TNKS1BP1: variants seen among roughly 807,000 people sequenced by gnomAD.
TNKS1BP1 encodes the protein 182 kDa tankyrase-1-binding protein.
A neutral mutation model predicts 141.1 loss-of-function variants in TNKS1BP1; 48 were observed. The observed-to-expected ratio is 0.34, with a 90% CI of 0.27 to 0.43. The LOEUF is 0.43. TNKS1BP1 is among the 20% of genes least tolerant of loss of function. The pLI, the probability that TNKS1BP1 is intolerant of heterozygous loss-of-function variation, is 1.00. For missense variants in TNKS1BP1, 2,149 were observed against 2,226.0 expected (o/e 0.97, Z 0.70); for synonymous variants, 875 against 898.2 (o/e 0.97, Z 0.46).
In TNKS1BP1 at chr11:57,306,912, G is replaced by C. The variant is rs554443576; in HGVS notation, c.4316+1483C>G. Among the ~76,000 whole-genome samples the C allele has an allele frequency of 1.9e-3, 284 of 149,486 alleles. 18 individuals are homozygous for C. Among genetic ancestry groups the C allele is most frequent in the African/African-American group, 6.6e-3 (271 of 40,760 alleles). On this transcript the variant is annotated intron_variant, in intron 6 of 11. Coordinates refer to ENST00000358252, the MANE Select transcript of TNKS1BP1 (RefSeq NM_033396.3). ...CAGAGAGCTGTGGTGGTGGGGGGGG[G>C]GGTTGGGTGGGAGGGGGGCAGTGGT...
chr11:57,300,402 C>T, intron 11 of TNKS1BP1, 126 bp downstream of exon 11: 2 of 840,970 alleles, frequency 2.4e-6, no homozygotes, highest in Non-Finnish European at 3.8e-6. Context: ...AGCTTGGCTT[C>T]ACCTGCTGTT....
intron 6 of TNKS1BP1, among the ~76,000 whole-genome samples, chr11:57,307,186 C>G (rs1343915610): frequency 6.6e-6 from 1 of 152,092 alleles, no homozygotes; most frequent in Non-Finnish European, 1.5e-5. Context: ...TGGACTCTCC[C>G]CTGCACCAAG....
Position 57,320,552 on chromosome 11 carries a change from T to C in TNKS1BP1, c.255A>G (p.Ala85=). ...LPSARKMNML[A]GPQPYGGSKR... ...TGCTGCCACCATAGGGCTGGGGTCC[T>C]GCCAGCATGTTCATCTTCCTGGCAG... The change falls in exon 3 of 12, where the codon GCA becomes GCG. Residue 85 remains alanine (A), a synonymous_variant. Coordinates refer to ENST00000358252, the MANE Select transcript of TNKS1BP1 (RefSeq NM_033396.3). 6.2e-7 allele frequency: 1 copy of C among 1,614,116 alleles called. No homozygotes were observed. The highest frequency in any genetic ancestry group is 8.5e-7 in the Non-Finnish European group (1 of 1,180,000).
rs1220177036 is a variant in TNKS1BP1 at position 57,324,857 on chromosome 11, G to T, written c.-83C>A. 6.1e-6 allele frequency: 6 copies of T among 986,806 alleles called. No individual in the cohort carries two copies. The highest frequency in any genetic ancestry group is 7.2e-6 in the Non-Finnish European group (6 of 831,524). 61.1% of individuals were successfully genotyped at this position (986,806 alleles called of 1,614,324 possible). A position where few individuals can be genotyped will look rare whatever the true frequency, so the allele number is the denominator to read the frequency against. On this transcript the variant is annotated 5_prime_UTR_variant, in exon 1 of 12. Transcript: ENST00000358252. ...GCACTCACGCGCTCGCCCGGGGTCC[G>T]GCTCCGCTCGGCTCGGGGCCCCGAT...
Position 57,309,139 on chromosome 11 carries a change from T to G in TNKS1BP1, c.3572A>C (p.Gln1191Pro), listed in dbSNP as rs750437627. 3 of 1,614,130 alleles carry G rather than the reference T, an allele frequency of 1.9e-6. No homozygotes were observed. ...GCTCAGGCCACCTGACCAGCCCATC[T>G]GTCCCACGGCACTCTCCCTGGCCTC... ...SSEARESAVGQMGWSGGLSLR... is the reference protein window; with the variant it reads ...SSEARESAVGPMGWSGGLSLR... Residue 1191 changes from glutamine (Q) to proline (P), a missense_variant, in exon 6 of 12, where the codon CAG (glutamine) becomes CCG (proline). Transcript: ENST00000358252. The surrounding 1 kb of genome is among the most constrained non-coding windows in gnomAD (Gnocchi z 4.3).
At chr11:57,312,277 G>C (rs1855724589) in intron 5 of TNKS1BP1, among the ~76,000 whole-genome samples, 1 of 152,182 alleles carries the variant, frequency 6.6e-6, no homozygotes, top group Non-Finnish European at 1.5e-5. Context: ...GCACTCTGAA[G>C]CCCAGCAGTT....
intron 2 of TNKS1BP1, 27 bp downstream of exon 2, chr11:57,321,765 C>G (rs1277636533): frequency 6.3e-7 from 1 of 1,582,786 alleles, no homozygotes. Context: ...TCCCAGCCAC[C>G]TGGCTCCACC....
At position 57,322,427 on chromosome 11, in the gene TNKS1BP1, T is replaced by C. The variant is rs534101902; in HGVS notation, c.-65-477A>G. On this transcript the variant is annotated intron_variant, in intron 1 of 11. Transcript: ENST00000358252. ...TTCCCACTCACCCTCCTTCCCTCTCTCCCTCCCTCCCGCAGCTGGGAGTGG... is the reference window on the plus strand; with the variant it reads ...TTCCCACTCACCCTCCTTCCCTCTCCCCCTCCCTCCCGCAGCTGGGAGTGG... 492 of 516,832 alleles carry C rather than the reference T, an allele frequency of 9.5e-4. 5 individuals carry two copies. The African/African-American group carries it at 9.9e-3, about 10-fold the overall frequency. The allele number at this position is 516,832 out of a possible 1,614,324, so 32.0% of individuals were successfully genotyped here. A position where few individuals can be genotyped will look rare whatever the true frequency, so the allele number is the denominator to read the frequency against.
intron 5 of TNKS1BP1, chr11:57,311,556 T>A: frequency 1.4e-6 from 1 of 725,328 alleles, no homozygotes; most frequent in Non-Finnish European, 1.7e-6. Flanking sequence ...GTCACCCACA[T>A]CCCGGGACAG....
chr11:57,322,332 TC>T, intron 1 of TNKS1BP1: 2 of 989,154 alleles, frequency 2.0e-6, no homozygotes, highest in Non-Finnish European at 2.4e-6. Flanking sequence ...TGTCTGTGAA[TC>T]ACCTCACGGG....
rs1019556491 is a variant in TNKS1BP1 at position 57,316,590 on chromosome 11, G to A, written c.798+1228C>T. 5.9e-5 allele frequency among the ~76,000 whole-genome samples: 9 copies of A among 152,264 alleles called. No individual in the cohort carries two copies. In the East Asian group the frequency reaches 9.7e-4, roughly 16 times the overall value. On this transcript the variant is annotated intron_variant, in intron 4 of 11. Transcript: ENST00000358252. Reference sequence around the variant, plus strand: ...CTTCCGGTTGCTCAGGCCAAAAGCCGTGGGGTCACCCTTGATTCTGTGCTC... The same window carrying A: ...CTTCCGGTTGCTCAGGCCAAAAGCCATGGGGTCACCCTTGATTCTGTGCTC...
At chr11:57,321,671 A>C in intron 2 of TNKS1BP1, 121 bp downstream of exon 2, 256 of 1,021,168 alleles carry the variant, frequency 2.5e-4, no homozygotes, top group Non-Finnish European at 3.4e-4. Context: ...CTGCCTTGGT[A>C]CTCCTTCCCT....
In TNKS1BP1 at chr11:57,302,437, C is replaced by T. The variant is rs773339878; in HGVS notation, c.4683+22G>A. 3 of 1,572,818 alleles carry T rather than the reference C, an allele frequency of 1.9e-6. No individual in the cohort carries two copies. The highest frequency in any genetic ancestry group is 4.5e-5 in the East Asian group (2 of 44,248). On this transcript the variant is annotated intron_variant, in intron 7 of 11. Transcript: ENST00000358252. The surrounding 1 kb of genome is among the most constrained non-coding windows in gnomAD (Gnocchi z 5.5). ...TGCATCGCCCTCACCCACCCACTGTCATGGGCTCACCCTCCACTGACCTCA... is the reference window on the plus strand; with the variant it reads ...TGCATCGCCCTCACCCACCCACTGTTATGGGCTCACCCTCCACTGACCTCA...
chr11:57,313,730 C>A lies in TNKS1BP1; in HGVS notation c.958G>T (p.Ala320Ser), dbSNP rs779739038. 7 of 1,596,278 alleles carry A rather than the reference C, an allele frequency of 4.4e-6. No homozygotes were observed. Among genetic ancestry groups the A allele is most frequent in the Non-Finnish European group, 6.0e-6 (7 of 1,171,644 alleles). ...SSPCHSQLLE[A>S]QTPEASQASP... ...GCCTGGGAAGCTTCAGGAGTCTGGG[C>A]TTCCAGAAGCTGTGAGTGGCAGGGA... Residue 320 changes from alanine (A) to serine (S), a missense_variant, in exon 5 of 12, where the codon GCC becomes TCC. Ala to Ser is a moderately conservative substitution (Grantham distance 99). Transcript: ENST00000358252.
chr11:57,318,367 G>T (rs1855828902), intron 3 of TNKS1BP1, among the ~76,000 whole-genome samples: 1 of 152,214 alleles, frequency 6.6e-6, no homozygotes, highest in Admixed American at 6.5e-5. Flanking sequence ...GGGAGAGAAG[G>T]AAGATGGCGG....
In TNKS1BP1 at chr11:57,317,859, C is replaced by T. The variant is rs374633645; in HGVS notation, c.757G>A (p.Gly253Arg). The part of the protein sequence containing the change: ...RSLPSDLAFN[G>R]DLAKAASSEL... ...GAGCTGGCTGCCTTAGCCAGGTCCC[C>T]GTTGAAGGCCAGGTCGGAAGGAAGG... Residue 253 changes from glycine to arginine, a missense_variant, in exon 4 of 12, where the codon GGG (glycine) becomes AGG (arginine). By Grantham distance (125) the Gly-to-Arg change is moderately radical. Transcript: ENST00000358252. The T allele has an allele frequency of 1.9e-5, 31 of 1,613,794 alleles. No individual in the cohort carries two copies. Among genetic ancestry groups the T allele is most frequent in the Non-Finnish European group, 2.5e-5 (30 of 1,179,892 alleles).
At position 57,309,463 on chromosome 11, in the gene TNKS1BP1, T is replaced by C. The variant is rs1297961163; in HGVS notation, c.3248A>G (p.Lys1083Arg). The change falls in exon 6 of 12, where the codon AAG (lysine) becomes AGG (arginine). Residue 1083 changes from lysine to arginine, a missense_variant. Coordinates refer to ENST00000358252, the MANE Select transcript of TNKS1BP1 (RefSeq NM_033396.3). This position sits in a 1 kb window ranked among gnomAD's most constrained non-coding sequence, Gnocchi z 4.3. The stretch of plus-strand genomic sequence containing the variant: ...GCTAAACTCACCGACCCAGCCTCGC[T>C]TTCCCATCTCCCCATCTTCCAGGTC... Reference protein sequence around the residue: ...SADLEDGEMGKRGWVGEFSLS... With the variant: ...SADLEDGEMGRRGWVGEFSLS... The C allele has an allele frequency of 1.9e-6, 3 of 1,613,940 alleles. No homozygotes were observed. The highest frequency in any genetic ancestry group is 1.6e-4 in the Middle Eastern group (1 of 6,084).
chr11:57,313,777 A>G lies in TNKS1BP1; in HGVS notation c.911T>C (p.Leu304Pro). 1 of 1,596,966 alleles carries G rather than the reference A, an allele frequency of 6.3e-7. No individual in the cohort carries two copies. Among genetic ancestry groups the G allele is most frequent in the East Asian group, 2.2e-5 (1 of 44,534 alleles). Residue 304 changes from leucine to proline, a missense_variant, in exon 5 of 12, where the codon CTT (leucine) becomes CCT (proline). Physicochemically the swap from Leu to Pro is moderately conservative, Grantham distance 98 (BLOSUM62 -3). Transcript: ENST00000358252. ...ASGSGPGSPH[L>P]HPPDKSSPCH... is the part of the protein sequence containing the mutation. ...GGGAGAACTCTTATCAGGCGGGTGA[A>G]GATGGGGAGAGCCAGGGCCTGAGCC...
Position 57,308,425 on chromosome 11 carries a change from T to A in TNKS1BP1, c.4286A>T (p.Glu1429Val). 6.2e-7 allele frequency: 1 copy of A among 1,613,992 alleles called. No individual in the cohort carries two copies. Among genetic ancestry groups the A allele is most frequent in the Non-Finnish European group, 8.5e-7 (1 of 1,179,930 alleles). The change falls in exon 6 of 12, where the codon GAG becomes GTG. Residue 1429 changes from glutamate (E) to valine (V), a missense_variant. Coordinates refer to ENST00000358252, the MANE Select transcript of TNKS1BP1 (RefSeq NM_033396.3). ...LEPHPADPGM[E>V]TGEALSFGAS... ...TCCGAAGCTGAGGGCTTCTCCTGTCTCCATTCCAGGGTCTGCAGGGTGTGG... is the reference window on the plus strand; with the variant it reads ...TCCGAAGCTGAGGGCTTCTCCTGTCACCATTCCAGGGTCTGCAGGGTGTGG...
Sources: allele counts gnomAD v4.1 joint callset (sites outside exome capture counted in the v4.1 genomes callset), GRCh38; gene constraint gnomAD v4.1.1; non-coding constraint Gnocchi (gnomAD v3.1); transcripts MANE v1.5; gene names NCBI Gene and HGNC (gene_info 2026-07-23, HGNC 2026-07-21).